The following CYP20A1 variants were observed in gnomAD, a reference collection of about 807,000 sequenced individuals.
The protein encoded by CYP20A1 is cytochrome P450 family 20 subfamily A member 1.
A neutral mutation model predicts 61.4 loss-of-function variants in CYP20A1; 61 were observed. The observed-to-expected ratio is 0.99, with a 90% confidence interval of 0.81 to 1.23. The LOEUF (loss-of-function observed/expected upper bound fraction) is 1.23, where lower values mean the gene tolerates loss of function less well. Ranked by LOEUF, CYP20A1 falls within the 50% of genes most tolerant of loss-of-function variation. CYP20A1 has a pLI of 0.00. For missense variants in CYP20A1, 530 were observed against 542.4 expected (o/e 0.98, Z 0.23); for synonymous variants, 193 against 188.2 (o/e 1.03, Z -0.21).
intron 4 of CYP20A1, among the ~76,000 whole-genome samples, chr2:203,253,860 C>T (rs1280686816): frequency 1.3e-5 from 2 of 151,224 alleles, no homozygotes; most frequent in African/African-American, 2.4e-5. Context: ...GGAGCCTATT[C>T]CTTTGGCCTT....
chr2:203,283,877 C>G (rs2068152535), intron 8 of CYP20A1, among the ~76,000 whole-genome samples: 1 of 152,010 alleles, frequency 6.6e-6, no homozygotes, highest in East Asian at 1.9e-4. Flanking sequence ...ATAATATAGT[C>G]AAGCAGAGTA....
chr2:203,243,804 C>T (rs71425990), intron 1 of CYP20A1, among the ~76,000 whole-genome samples: 3,639 of 151,532 alleles, frequency 0.024, 58 homozygotes, highest in East Asian at 0.072. Context: ...ATCCTCCTGC[C>T]TCAGCCTCCT....
intron 4 of CYP20A1, among the ~76,000 whole-genome samples, chr2:203,254,587 G>C (rs1312515003): frequency 2.0e-5 from 3 of 151,602 alleles, no homozygotes; most frequent in Non-Finnish European, 4.4e-5. Context: ...GGTGTTTTGT[G>C]TGCACAATAG....
rs147494377 is a variant in CYP20A1 at position 203,268,888 on chromosome 2, C to T, written c.600+2207C>T. Among the ~76,000 whole-genome samples the T allele has an allele frequency of 2.5e-3, 376 of 152,136 alleles. 1 individual carries two copies. The highest frequency in any genetic ancestry group is 0.01 in the Middle Eastern group (3 of 294). On this transcript the variant is annotated intron_variant, in intron 5 of 12. Transcript: ENST00000356079. ...CGAGTCATGCCACCAGGAGTAATAACCAATTTGTGAATTCAGAGCCAATGA... is the reference window on the plus strand; with the variant it reads ...CGAGTCATGCCACCAGGAGTAATAATCAATTTGTGAATTCAGAGCCAATGA...
chr2:203,286,184 G>A (rs1000376085), intron 9 of CYP20A1, among the ~76,000 whole-genome samples: 2 of 152,164 alleles, frequency 1.3e-5, no homozygotes, highest in African/African-American at 4.8e-5. Context: ...AGCTACTCAG[G>A]AGGCTTAGGT....
chr2:203,253,971 A>T (rs997753834), intron 4 of CYP20A1, among the ~76,000 whole-genome samples: 1 of 151,490 alleles, frequency 6.6e-6, no homozygotes, highest in Non-Finnish European at 1.5e-5. Flanking sequence ...TTTTTGATAC[A>T]GAGTCTCACT....
At chr2:203,240,520 A>G (rs1233620801) in intron 1 of CYP20A1, among the ~76,000 whole-genome samples, 1 of 152,206 alleles carries the variant, frequency 6.6e-6, no homozygotes, top group Non-Finnish European at 1.5e-5. Context: ...ATAACATAGG[A>G]TTGTGGGTAG....
chr2:203,301,931 T>TG lies in CYP20A1; in HGVS notation c.*5023_*5024insG, dbSNP rs2069041294. ...TTAAGATTCTTTTTTTTTTTTTTTT[T>TG]TTTTTGTTTTGAGACTGAGTCCCGC... On this transcript the variant is annotated 3_prime_UTR_variant, in exon 13 of 13. Transcript: ENST00000356079. 1.4e-5 allele frequency among the ~76,000 whole-genome samples: 2 copies of TG among 146,742 alleles called. No homozygotes were observed. Among genetic ancestry groups the TG allele is most frequent in the East Asian group, 2.0e-4 (1 of 5,072 alleles).
At chr2:203,271,046 GTATATGTGTATATATATATA>G (rs2067550228) in intron 5 of CYP20A1, among the ~76,000 whole-genome samples, 1 of 24,050 alleles carries the variant, frequency 4.2e-5, no homozygotes, top group Admixed American at 8.2e-4. Flanking sequence ...ATATATATAT[GTATATGTGTATATATATATA>G]TATATATATA....
chr2:203,272,804 T>A, intron 6 of CYP20A1, 56 bp downstream of exon 6: 2 of 1,042,750 alleles, frequency 1.9e-6, no homozygotes, highest in Non-Finnish European at 2.9e-6. Flanking sequence ...GCCCCAGTTT[T>A]AATAAAGTAA....
chr2:203,283,641 C>A (rs1327455281), intron 8 of CYP20A1, among the ~76,000 whole-genome samples: 1 of 151,126 alleles, frequency 6.6e-6, no homozygotes, highest in African/African-American at 2.4e-5. Flanking sequence ...CTCTGCCTCC[C>A]GGGTTCAAGC....
At chr2:203,264,921 G>A (rs2067267389) in intron 4 of CYP20A1, among the ~76,000 whole-genome samples, 2 of 151,958 alleles carry the variant, frequency 1.3e-5, no homozygotes, top group Admixed American at 6.6e-5. Flanking sequence ...AGTAGAGATG[G>A]GGTTTCACCA....
At chr2:203,247,301 A>G (rs1048815749) in intron 3 of CYP20A1, among the ~76,000 whole-genome samples, 2 of 152,094 alleles carry the variant, frequency 1.3e-5, no homozygotes, top group Non-Finnish European at 2.9e-5. Flanking sequence ...TAAAAACTGT[A>G]TATATATATT....
At chr2:203,284,369 A>G (rs2068176108) in intron 8 of CYP20A1, among the ~76,000 whole-genome samples, 1 of 152,118 alleles carries the variant, frequency 6.6e-6, no homozygotes. Flanking sequence ...GGTAGTATAT[A>G]TGTTCAGAAG....
intron 4 of CYP20A1, 76 bp downstream of exon 4, chr2:203,252,185 C>T (rs2105913123): frequency 7.0e-6 from 8 of 1,138,816 alleles, no homozygotes; most frequent in South Asian, 4.9e-5. Flanking sequence ...TTGGTGTGTA[C>T]TATCTTTGTT....
intron 1 of CYP20A1, among the ~76,000 whole-genome samples, chr2:203,241,880 C>T (rs771138353): frequency 1.3e-5 from 2 of 152,156 alleles, no homozygotes; most frequent in Non-Finnish European, 2.9e-5. Context: ...CTCGCTCTGT[C>T]GCCCAGGCTG....
chr2:203,304,493 G>A lies in CYP20A1; in HGVS notation c.*7585G>A, dbSNP rs933967192. Among the ~76,000 whole-genome samples, 1 of 151,860 alleles carries A rather than the reference G, an allele frequency of 6.6e-6. No homozygotes were observed. The highest frequency in any genetic ancestry group is 2.1e-4 in the South Asian group (1 of 4,818). On this transcript the variant is annotated 3_prime_UTR_variant, in exon 13 of 13. Transcript: ENST00000356079. ...ATTACAGGTGTGAGCCACAGCGCCC[G>A]GCCAAAAAAAGGAATTTTTAAGAGG... is the stretch of plus-strand genomic sequence containing the variant.
intron 3 of CYP20A1, among the ~76,000 whole-genome samples, chr2:203,250,378 T>C (rs1357837697): frequency 6.6e-6 from 1 of 152,176 alleles, no homozygotes; most frequent in East Asian, 1.9e-4. Context: ...TTATCCCTTT[T>C]TTGTGGAAGA....
chr2:203,244,509 G>C (rs1190526300), intron 1 of CYP20A1, among the ~76,000 whole-genome samples: 2 of 151,264 alleles, frequency 1.3e-5, no homozygotes, highest in Non-Finnish European at 3.0e-5. Flanking sequence ...CAGCACAGCA[G>C]TTTTCTTCTG....
Sources: allele counts gnomAD v4.1 joint callset (sites outside exome capture counted in the v4.1 genomes callset), GRCh38; gene constraint gnomAD v4.1.1; transcripts MANE v1.5; gene names NCBI Gene and HGNC (gene_info 2026-07-23, HGNC 2026-07-21).